Variants in NOVA1 observed in about 807,000 individuals in gnomAD.
NOVA1 encodes RNA-binding protein Nova-1.
In NOVA1, 7 loss-of-function variants were observed where a neutral mutation model predicts 38.0. The ratio of observed to expected loss-of-function variants is 0.18; its 90% CI spans 0.10 to 0.35. The LOEUF is 0.35. Among genes scored for constraint, NOVA1 ranks in the 10% least tolerant of loss-of-function variants. The pLI is 1.00. For synonymous variants in NOVA1, 270 were observed against 232.5 expected, an observed-to-expected ratio of 1.16 and a Z score of -1.47; for missense variants, 460 against 616.0, an observed-to-expected ratio of 0.75 and a Z score of 2.68.
intron 2 of NOVA1, among the ~76,000 whole-genome samples, chr14:26,549,067 A>G (rs910015552): frequency 6.6e-6 from 1 of 152,116 alleles, no homozygotes; most frequent in East Asian, 1.9e-4. Flanking sequence ...TGAGGCAGGA[A>G]GATCGCTTAA....
intron 2 of NOVA1, among the ~76,000 whole-genome samples, chr14:26,577,439 G>A (rs1892925963): frequency 6.6e-6 from 1 of 152,048 alleles, no homozygotes; most frequent in African/African-American, 2.4e-5. Flanking sequence ...AACTAAGACA[G>A]GCTACTTTTT....
intron 2 of NOVA1, among the ~76,000 whole-genome samples, chr14:26,507,682 A>G (rs1035200988): frequency 1.1e-4 from 17 of 152,294 alleles, no homozygotes; most frequent in African/African-American, 3.8e-4. Context: ...ATCATGCAAC[A>G]GACTGAGCAA....
intron 4 of NOVA1, among the ~76,000 whole-genome samples, chr14:26,449,409 T>C (rs917815966): frequency 6.6e-6 from 1 of 152,100 alleles, no homozygotes; most frequent in Non-Finnish European, 1.5e-5. Context: ...GCAAAGTTAA[T>C]AAAGATAACA....
chr14:26,459,182 A>C (rs28501662), intron 4 of NOVA1, among the ~76,000 whole-genome samples: 38,082 of 151,948 alleles, frequency 0.25, 5,600 homozygotes, highest in African/African-American at 0.4. Flanking sequence ...CCTATACAGG[A>C]GTATATTATA....
At chr14:26,508,876 A>C (rs1263327254) in intron 2 of NOVA1, among the ~76,000 whole-genome samples, 2 of 151,870 alleles carry the variant, frequency 1.3e-5, no homozygotes, top group Non-Finnish European at 1.5e-5. Flanking sequence ...ATTTAATAGA[A>C]GTGTATATGT....
chr14:26,498,056 T>C (rs574083591), intron 2 of NOVA1, among the ~76,000 whole-genome samples: 3 of 152,244 alleles, frequency 2.0e-5, no homozygotes, highest in Admixed American at 6.5e-5. Flanking sequence ...TACTAATAGA[T>C]TAAAAAATAA....
chr14:26,456,174 T>C (rs1883162291), intron 4 of NOVA1, among the ~76,000 whole-genome samples: 1 of 152,084 alleles, frequency 6.6e-6, no homozygotes, highest in Non-Finnish European at 1.5e-5. Flanking sequence ...TTCAATTTAA[T>C]GTTGTAAATT....
chr14:26,489,118 GTC>G (rs1886137643), intron 2 of NOVA1, among the ~76,000 whole-genome samples: 1 of 152,002 alleles, frequency 6.6e-6, no homozygotes, highest in Non-Finnish European at 1.5e-5. Flanking sequence ...GAAAATTAAT[GTC>G]TCTTACATTA....
intron 4 of NOVA1, among the ~76,000 whole-genome samples, chr14:26,453,403 T>C (rs1316116754): frequency 6.6e-6 from 1 of 152,002 alleles, no homozygotes; most frequent in Non-Finnish European, 1.5e-5. Context: ...TAAAAGAATC[T>C]TTACTTAAAC....
At chr14:26,536,256 CAA>C (rs1424911599) in intron 2 of NOVA1, among the ~76,000 whole-genome samples, 4 of 110,364 alleles carry the variant, frequency 3.6e-5, no homozygotes, top group African/African-American at 3.4e-5. Context: ...TAAATGGGTA[CAA>C]AAAAAAAAAA....
intron 2 of NOVA1, among the ~76,000 whole-genome samples, chr14:26,545,211 A>T (rs1890716263): frequency 6.6e-6 from 1 of 152,096 alleles, no homozygotes; most frequent in Non-Finnish European, 1.5e-5. Flanking sequence ...GTTACATTAC[A>T]TGCAATAATT....
chr14:26,465,450 C>T (rs1041689628), intron 4 of NOVA1, among the ~76,000 whole-genome samples: 1 of 152,084 alleles, frequency 6.6e-6, no homozygotes. Flanking sequence ...GGATTACAGG[C>T]GTGAGCCACT....
chr14:26,533,976 T>C (rs1818975273), intron 2 of NOVA1, among the ~76,000 whole-genome samples: 1 of 152,182 alleles, frequency 6.6e-6, no homozygotes, highest in Non-Finnish European at 1.5e-5. Context: ...TATTTCAAAC[T>C]ATAAATGCAA....
At chr14:26,495,766 G>C (rs1480387676) in intron 2 of NOVA1, among the ~76,000 whole-genome samples, 1 of 144,182 alleles carries the variant, frequency 6.9e-6, no homozygotes, top group Non-Finnish European at 1.5e-5. Context: ...TTGTTCTTGT[G>C]ATAGTTTACT....
At chr14:26,569,092 A>C (rs952715686) in intron 2 of NOVA1, among the ~76,000 whole-genome samples, 4 of 152,172 alleles carry the variant, frequency 2.6e-5, no homozygotes, top group African/African-American at 9.7e-5. Context: ...TTGCTAAGAA[A>C]ACTTAACAAA....
At chr14:26,500,122 G>C (rs1887142472) in intron 2 of NOVA1, among the ~76,000 whole-genome samples, 1 of 151,944 alleles carries the variant, frequency 6.6e-6, no homozygotes, top group South Asian at 2.1e-4. Context: ...CCACAGTCTA[G>C]ATTATGTGTT....
intron 2 of NOVA1, chr14:26,593,443 A>C (rs768050987): frequency 1.3e-5 from 2 of 151,902 alleles, no homozygotes; most frequent in African/African-American, 2.4e-5. Flanking sequence ...AGAATTCTTT[A>C]AGCTTCTTAT....
Position 26,448,639 on chromosome 14 carries a change from C to A in NOVA1, c.844G>T (p.Ala282Ser). Residue 282 changes from alanine to serine, a missense_variant, in exon 5 of 5, where the codon GCT becomes TCT. Transcript: ENST00000539517. The surrounding 1 kb of genome is among the most constrained non-coding windows in gnomAD (Gnocchi z 5.3). Reference sequence around the variant, plus strand: ...CCTAATAGCCCTGCAGCTGCTGCAGCAGTTGGTAACACTTCAGCAGTGTTT... The same window carrying A: ...CCTAATAGCCCTGCAGCTGCTGCAGAAGTTGGTAACACTTCAGCAGTGTTT... ...YANTAEVLPT[A>S]AAAAGLLGHA... 1 of 1,614,230 alleles carries A rather than the reference C, an allele frequency of 6.2e-7. No homozygotes were observed. The highest frequency in any genetic ancestry group is 8.5e-7 in the Non-Finnish European group (1 of 1,180,036).
chr14:26,570,526 G>T (rs1267621167), intron 2 of NOVA1, among the ~76,000 whole-genome samples: 1 of 151,690 alleles, frequency 6.6e-6, no homozygotes, highest in East Asian at 1.9e-4. Flanking sequence ...AACAAAAAGG[G>T]TTATCTAGCA....
Sources: gnomAD v4.1 joint callset for allele counts (sites outside exome capture counted in the v4.1 genomes callset) on GRCh38, gnomAD v4.1.1 for gene constraint, Gnocchi (gnomAD v3.1) non-coding constraint, MANE v1.5 for transcripts, NCBI Gene and HGNC (gene_info 2026-07-23, HGNC 2026-07-21) for gene names.